Variants in ANKRD55 observed in about 807,000 individuals in gnomAD.
ANKRD55 encodes the protein ankyrin repeat domain-containing protein 55.
In ANKRD55, 41 loss-of-function variants were observed where a neutral mutation model predicts 60.6. That is an observed-to-expected ratio of 0.68 (90% CI 0.53 to 0.88). The LOEUF (loss-of-function observed/expected upper bound fraction) is 0.88. Ranked by LOEUF, ANKRD55 falls within the 40% of genes least tolerant of loss-of-function variation. ANKRD55 has a pLI of 0.00. For synonymous variants in ANKRD55, 264 were observed against 290.3 expected, an observed-to-expected ratio of 0.91 and a Z score of 0.92; for missense variants, 732 against 767.6, an observed-to-expected ratio of 0.95 and a Z score of 0.55.
At chr5:56,165,752 A>T (rs1334652584) in intron 5 of ANKRD55, among the ~76,000 whole-genome samples, 1 of 152,094 alleles carries the variant, frequency 6.6e-6, no homozygotes, top group African/African-American at 2.4e-5. Flanking sequence ...CAACATGGAG[A>T]AACCCCATCT....
chr5:56,150,934 G>A (rs1472264533), intron 6 of ANKRD55, among the ~76,000 whole-genome samples: 1 of 152,122 alleles, frequency 6.6e-6, no homozygotes, highest in Non-Finnish European at 1.5e-5. Context: ...TTTGATAGCT[G>A]TATTTTAATA....
At position 56,135,600 on chromosome 5, in the gene ANKRD55, C is replaced by A. The variant is rs183506341; in HGVS notation, c.612+8201G>T. Among the ~76,000 whole-genome samples the A allele has an allele frequency of 7.7e-3, 1,165 of 152,092 alleles. 13 individuals are homozygous for A. Among genetic ancestry groups the A allele is most frequent in the African/African-American group, 0.026 (1,065 of 41,456 alleles). Reference sequence around the variant, plus strand: ...GCCAGGCTGGTCTTGAACTCCTGGCCTCAAGCAATCTGCCTGCATCGGCCT... The same window carrying A: ...GCCAGGCTGGTCTTGAACTCCTGGCATCAAGCAATCTGCCTGCATCGGCCT... On this transcript the variant is annotated intron_variant, in intron 7 of 11. Coordinates refer to ENST00000341048, the MANE Select transcript of ANKRD55 (RefSeq NM_024669.3).
At chr5:56,195,922 A>G (rs1759217868) in intron 2 of ANKRD55, among the ~76,000 whole-genome samples, 1 of 152,216 alleles carries the variant, frequency 6.6e-6, no homozygotes, top group South Asian at 2.1e-4. Context: ...ATTTCAAGGC[A>G]TTCATTTTAT....
intron 2 of ANKRD55, among the ~76,000 whole-genome samples, chr5:56,227,521 C>T (rs1410448739): frequency 6.6e-6 from 1 of 151,824 alleles, no homozygotes; most frequent in African/African-American, 2.4e-5. Context: ...AACCCCTGCA[C>T]ATCTGTGCGT....
At chr5:56,130,575 T>G (rs974151748) in intron 7 of ANKRD55, among the ~76,000 whole-genome samples, 1 of 152,194 alleles carries the variant, frequency 6.6e-6, no homozygotes, top group Non-Finnish European at 1.5e-5. Context: ...CACTACATCA[T>G]GTCTGGCTAT....
At chr5:56,149,406 A>G (rs1757985524) in intron 6 of ANKRD55, among the ~76,000 whole-genome samples, 1 of 152,248 alleles carries the variant, frequency 6.6e-6, no homozygotes, top group Non-Finnish European at 1.5e-5. Context: ...GGGAGTTTTC[A>G]TAATTTAAAT....
chr5:56,226,528 A>T (rs1760113374), intron 2 of ANKRD55, among the ~76,000 whole-genome samples: 1 of 150,216 alleles, frequency 6.7e-6, no homozygotes, highest in Admixed American at 6.6e-5. Flanking sequence ...CAAAAAAAAA[A>T]CTACCATCAG....
At position 56,176,147 on chromosome 5, in the gene ANKRD55, A is replaced by T; in HGVS notation, c.312+5T>A. On this transcript the variant is annotated splice_donor_5th_base_variant and intron_variant, in intron 4 of 11. Coordinates refer to ENST00000341048, the MANE Select transcript of ANKRD55 (RefSeq NM_024669.3). The stretch of plus-strand genomic sequence containing the variant: ...TTCCACCCTGTGACAGGCACAAGTC[A>T]GTACCAGGTAGGTGGCCAGGCATAA... 1 of 1,614,192 alleles carries T rather than the reference A, an allele frequency of 6.2e-7. No homozygotes were observed. Among genetic ancestry groups the T allele is most frequent in the Admixed American group, 1.7e-5 (1 of 60,024 alleles).
chr5:56,167,132 A>G (rs1176321361), intron 5 of ANKRD55, among the ~76,000 whole-genome samples: 1 of 152,244 alleles, frequency 6.6e-6, no homozygotes, highest in African/African-American at 2.4e-5. Flanking sequence ...AACTACAGTC[A>G]TGCATCATTT....
chr5:56,138,886 G>A (rs907127071), intron 7 of ANKRD55, among the ~76,000 whole-genome samples: 12 of 152,104 alleles, frequency 7.9e-5, no homozygotes, highest in African/African-American at 1.7e-4. Context: ...AAGGTATTCC[G>A]CATGATACTT....
intron 2 of ANKRD55, among the ~76,000 whole-genome samples, chr5:56,213,707 G>T (rs937644213): frequency 6.6e-6 from 1 of 152,212 alleles, no homozygotes; most frequent in African/African-American, 2.4e-5. Flanking sequence ...CGAGCAAAGG[G>T]AGAGTTTTAT....
intron 6 of ANKRD55, among the ~76,000 whole-genome samples, chr5:56,154,460 C>T (rs998824264): frequency 6.6e-6 from 1 of 152,116 alleles, no homozygotes; most frequent in Non-Finnish European, 1.5e-5. Flanking sequence ...GTATTTATTT[C>T]TCAATGGCAA....
intron 5 of ANKRD55, among the ~76,000 whole-genome samples, chr5:56,160,597 T>C (rs1209115362): frequency 4.6e-5 from 7 of 152,172 alleles, no homozygotes; most frequent in Non-Finnish European, 5.9e-5. Flanking sequence ...TTATAGAAAC[T>C]TACAGAGTGC....
chr5:56,113,822 G>T (rs1487156703), intron 9 of ANKRD55, among the ~76,000 whole-genome samples: 1 of 151,658 alleles, frequency 6.6e-6, no homozygotes, highest in Non-Finnish European at 1.5e-5. Context: ...GCTAATTTTG[G>T]TATTTTCAGT....
At chr5:56,165,969 C>T (rs952322226) in intron 5 of ANKRD55, among the ~76,000 whole-genome samples, 11 of 152,072 alleles carry the variant, frequency 7.2e-5, no homozygotes, top group African/African-American at 2.2e-4. Flanking sequence ...GAAGCTGAGC[C>T]TTGACATGTT....
intron 2 of ANKRD55, among the ~76,000 whole-genome samples, chr5:56,217,780 C>T (rs981032091): frequency 2.0e-5 from 3 of 151,840 alleles, no homozygotes; most frequent in Non-Finnish European, 4.4e-5. Flanking sequence ...CCTGTAGTCC[C>T]AGCTACTTGG....
chr5:56,171,239 C>A (rs528452039), intron 4 of ANKRD55, among the ~76,000 whole-genome samples: 169 of 152,282 alleles, frequency 1.1e-3, no homozygotes, highest in African/African-American at 4.0e-3. Context: ...ACTGCAATGG[C>A]TGGGACCCTG....
intron 2 of ANKRD55, among the ~76,000 whole-genome samples, chr5:56,210,349 C>T (rs1349216997): frequency 6.6e-6 from 1 of 151,786 alleles, no homozygotes; most frequent in Non-Finnish European, 1.5e-5. Context: ...CCGAGGCGGG[C>T]GGATCACGAG....
rs1187255213 is a variant in ANKRD55 at position 56,112,504 on chromosome 5, C to CA, written c.966-723dup. On this transcript the variant is annotated intron_variant, in intron 9 of 11. Transcript: ENST00000341048. ...CAACATGGCAGGATCTCATCTCTAG[C>CA]AAAAAAAAAAAAAAAAAACAACCAA... 4.6e-3 allele frequency among the ~76,000 whole-genome samples: 117 copies of CA among 25,642 alleles called. 4 individuals carry two copies. Among genetic ancestry groups the CA allele is most frequent in the Admixed American group, 0.013 (29 of 2,166 alleles). The allele number at this position is 25,642 out of a possible 152,430, so 16.8% of individuals were successfully genotyped here. A position where few individuals can be genotyped will look rare whatever the true frequency, so the allele number is the denominator to read the frequency against.
Sources: gnomAD v4.1 joint callset for allele counts (sites outside exome capture counted in the v4.1 genomes callset) on GRCh38, gnomAD v4.1.1 for gene constraint, MANE v1.5 for transcripts, NCBI Gene and HGNC (gene_info 2026-07-23, HGNC 2026-07-21) for gene names.